BLTP2: variants seen among roughly 807,000 people sequenced by gnomAD.
BLTP2 encodes the protein U937-associated antigen.
At chr17:28,636,902 CAG>C in the BLTP2 span, 1 of 1,198,240 alleles carries the variant, frequency 8.3e-7, no homozygotes, top group Non-Finnish European at 1.2e-6. Flanking sequence ...AAAAAAAAGA[CAG>C]AGAAAGGCTC....
chr17:28,642,113 G>T, the BLTP2 span: 3 of 1,604,712 alleles, frequency 1.9e-6, no homozygotes, highest in South Asian at 2.2e-5. Flanking sequence ...GTGTATGTAA[G>T]AAAGTTTGGA....
the BLTP2 span, chr17:28,644,884 A>T: frequency 2.2e-6 from 2 of 895,568 alleles, no homozygotes; most frequent in Non-Finnish European, 3.3e-6. Context: ...ACTCTGCCTC[A>T]CGCGCCTCAG....
chr17:28,632,030 A>G, the BLTP2 span: 1 of 1,609,974 alleles, frequency 6.2e-7, no homozygotes, highest in Non-Finnish European at 8.5e-7. Flanking sequence ...AGATGTCAGC[A>G]GGGACATCAG....
At chr17:28,625,413 C>A in the BLTP2 span, among the ~76,000 whole-genome samples, 4 of 128,362 alleles carry the variant, frequency 3.1e-5, no homozygotes, top group Admixed American at 7.8e-5. Context: ...TAAAAATATT[C>A]TCTTACCTCT....
chr17:28,639,713 G>A, the BLTP2 span: 3 of 1,490,960 alleles, frequency 2.0e-6, no homozygotes, highest in African/African-American at 4.1e-5. Context: ...GAGAGGGTCA[G>A]AAGCCGGCAA....
the BLTP2 span, among the ~76,000 whole-genome samples, chr17:28,630,532 GCGCAC>G: frequency 1.4e-5 from 2 of 144,272 alleles, no homozygotes; most frequent in African/African-American, 5.2e-5. Context: ...CCAGCTTGGA[GCGCAC>G]TGGTGTGACC....
chr17:28,620,674 C>A, the BLTP2 span: 12 of 1,604,734 alleles, frequency 7.5e-6, no homozygotes, highest in African/African-American at 1.3e-5. Flanking sequence ...AAGTTTCTAC[C>A]TAAATATCTA....
chr17:28,629,704 C>G, the BLTP2 span, among the ~76,000 whole-genome samples: 3 of 152,160 alleles, frequency 2.0e-5, no homozygotes, highest in African/African-American at 7.2e-5. Flanking sequence ...GTCTCAAACT[C>G]CTGACCTCAA....
chr17:28,622,986 A>G, the BLTP2 span, among the ~76,000 whole-genome samples: 1 of 152,168 alleles, frequency 6.6e-6, no homozygotes, highest in African/African-American at 2.4e-5. Flanking sequence ...GAGGCAGGAG[A>G]ATGGCTTGAA....
chr17:28,644,254 G>C, the BLTP2 span: 1 of 1,552,976 alleles, frequency 6.4e-7, no homozygotes, highest in South Asian at 1.2e-5. Flanking sequence ...CCCCTTGCTG[G>C]TCTTTCAAAG....
the BLTP2 span, among the ~76,000 whole-genome samples, chr17:28,629,523 G>C: frequency 6.6e-6 from 1 of 152,008 alleles, no homozygotes; most frequent in African/African-American, 2.4e-5. Flanking sequence ...TTGTCGTCCA[G>C]GCTGAAGGCA....
the BLTP2 span, chr17:28,615,023 C>T: frequency 2.5e-6 from 4 of 1,569,066 alleles, no homozygotes; most frequent in Non-Finnish European, 3.5e-6. Flanking sequence ...GGAGCCTGAG[C>T]CAGAGTCAGA....
At chr17:28,633,191 G>A in the BLTP2 span, 11 of 1,592,392 alleles carry the variant, frequency 6.9e-6, no homozygotes, top group East Asian at 2.2e-4. Flanking sequence ...CCAGCCCTCA[G>A]TGCCCTGGTC....
the BLTP2 span, chr17:28,624,463 T>C: frequency 3.0e-4 from 407 of 1,362,300 alleles, 2 homozygotes; most frequent in Middle Eastern, 1.7e-3. Flanking sequence ...CAGAGCCAAA[T>C]TGATCTTCCC....
the BLTP2 span, chr17:28,634,047 C>T: frequency 1.7e-5 from 28 of 1,614,028 alleles, no homozygotes; most frequent in Admixed American, 1.5e-4. Context: ...CCGCCAGTCA[C>T]GGATCTCAAA....
At chr17:28,635,304 C>T in the BLTP2 span, 5 of 1,614,188 alleles carry the variant, frequency 3.1e-6, no homozygotes, top group Non-Finnish European at 3.4e-6. Context: ...AACCTCCATG[C>T]CGGCTCAGTG....
the BLTP2 span, chr17:28,637,099 C>T: frequency 1.9e-6 from 3 of 1,614,178 alleles, no homozygotes; most frequent in Non-Finnish European, 2.5e-6. Flanking sequence ...AACACAAGTC[C>T]TTGAATCCCC....
At chr17:28,643,911 G>T in the BLTP2 span, 1 of 1,096,482 alleles carries the variant, frequency 9.1e-7, no homozygotes, top group Non-Finnish European at 1.3e-6. Context: ...TCTCCAACTA[G>T]CTCTAAGATC....
chr17:28,637,720 C>T, the BLTP2 span: 15 of 924,890 alleles, frequency 1.6e-5, no homozygotes, highest in African/African-American at 1.2e-4. Flanking sequence ...TGCCCAGGCT[C>T]GAGTGCAGTG....
Sources: allele counts gnomAD v4.1 joint callset (sites outside exome capture counted in the v4.1 genomes callset), GRCh38; gene constraint gnomAD v4.1.1; transcripts MANE v1.5; gene names NCBI Gene and HGNC (gene_info 2026-07-23, HGNC 2026-07-21).